MAP7D1: variants seen among roughly 807,000 people sequenced by gnomAD.
MAP7D1 encodes MAP7 domain-containing protein 1.
In MAP7D1, 30 loss-of-function variants were observed where a neutral mutation model predicts 97.5. The ratio of observed to expected loss-of-function variants is 0.31; its 90% CI spans 0.23 to 0.42. The LOEUF is 0.42. Among genes scored for constraint, MAP7D1 ranks in the 10% least tolerant of loss-of-function variants. MAP7D1 has a pLI of 1.00. For missense variants in MAP7D1, 1,184 were observed against 1,179.5 expected (o/e 1.00, Z -0.06); for synonymous variants, 536 against 477.1 (o/e 1.12, Z -1.61).
At chr1:36,156,768 C>T (rs757367546) in intron 1 of MAP7D1, among the ~76,000 whole-genome samples, 1 of 152,110 alleles carries the variant, frequency 6.6e-6, no homozygotes, top group Non-Finnish European at 1.5e-5. Flanking sequence ...TCCCCGCCCC[C>T]ACGTCCCTTC....
chr1:36,178,633 G>A, intron 10 of MAP7D1, 37 bp downstream of exon 10: 1 of 1,544,548 alleles, frequency 6.5e-7, no homozygotes, highest in Non-Finnish European at 8.7e-7. Context: ...GCCCTCGTGG[G>A]CGCTGGAGAA....
chr1:36,162,113 G>A (rs1644420996), intron 1 of MAP7D1, among the ~76,000 whole-genome samples: 1 of 152,076 alleles, frequency 6.6e-6, no homozygotes, highest in African/African-American at 2.4e-5. Context: ...GCTGATCTCT[G>A]TTCTGTCTTC....
At chr1:36,160,840 C>T (rs1644399176) in intron 1 of MAP7D1, among the ~76,000 whole-genome samples, 1 of 152,222 alleles carries the variant, frequency 6.6e-6, no homozygotes, top group Non-Finnish European at 1.5e-5. Context: ...GGGAAGCCTG[C>T]CAGGTTGGAG....
chr1:36,172,257 G>A, intron 3 of MAP7D1: 1 of 434,100 alleles, frequency 2.3e-6, no homozygotes, highest in Non-Finnish European at 4.1e-6. Context: ...AAGGCCAATG[G>A]AGGAGAAATA....
chr1:36,180,288 G>C lies in MAP7D1; in HGVS notation c.*30G>C, dbSNP rs771143073. The C allele has an allele frequency of 6.2e-7, 1 of 1,614,124 alleles. No homozygotes were observed. The highest frequency in any genetic ancestry group is 8.5e-7 in the Non-Finnish European group (1 of 1,179,932). ...GTTTGCCTTGGATCCGGGCACAGTT[G>C]TGAGGGCTCCTCTGCATCACCTACC... On this transcript the variant is annotated 3_prime_UTR_variant, in exon 17 of 17. Coordinates refer to ENST00000474796, the MANE Select transcript of MAP7D1 (RefSeq NM_001388490.1).
At chr1:36,172,339 TA>T in intron 3 of MAP7D1, 124 bp from the exon 4 acceptor site, 1 of 954,262 alleles carries the variant, frequency 1.0e-6, no homozygotes, top group Non-Finnish European at 1.4e-6. Context: ...AAGCTCCACC[TA>T]AGCAGGCGGG....
In MAP7D1 at chr1:36,178,908, G is replaced by A. The variant is rs1379143934; in HGVS notation, c.2026-13G>A. The A allele has an allele frequency of 6.4e-7, 1 of 1,552,438 alleles. No homozygotes were observed. Among genetic ancestry groups the A allele is most frequent in the East Asian group, 2.4e-5 (1 of 41,022 alleles). The stretch of plus-strand genomic sequence containing the variant: ...GGAGTCAAGTGCCCCACGCTCATGG[G>A]GGTCTTTGGCAGAAAGAGGAGGCCG... On this transcript the variant is annotated splice_polypyrimidine_tract_variant and intron_variant, in intron 11 of 16. Coordinates refer to ENST00000474796, the MANE Select transcript of MAP7D1 (RefSeq NM_001388490.1).
At chr1:36,173,980 T>C (rs538027464) in intron 5 of MAP7D1, among the ~76,000 whole-genome samples, 54 of 152,328 alleles carry the variant, frequency 3.5e-4, no homozygotes, top group African/African-American at 1.2e-3. Flanking sequence ...TATGTGCTCC[T>C]GGACCCGTGC....
intron 1 of MAP7D1, among the ~76,000 whole-genome samples, chr1:36,167,834 G>A (rs1181449757): frequency 6.6e-6 from 1 of 152,198 alleles, no homozygotes; most frequent in Non-Finnish European, 1.5e-5. Flanking sequence ...GTCTTGCCTG[G>A]TGGGTGTGAT....
intron 1 of MAP7D1, among the ~76,000 whole-genome samples, chr1:36,166,611 G>A (rs1188616812): frequency 6.6e-6 from 1 of 151,990 alleles, no homozygotes; most frequent in Non-Finnish European, 1.5e-5. Flanking sequence ...GGATGGTCTC[G>A]ATCTCCTGAC....
rs1224360692 is a variant in MAP7D1, at chr1:36,159,754, G to A, written c.46+3291G>A. On this transcript the variant is annotated intron_variant, in intron 1 of 16. Transcript: ENST00000474796. The surrounding 1 kb of genome is among the most constrained non-coding windows in gnomAD (Gnocchi z 5.4). ...TGTTAGTGTGCAGTGGGCTGTGCTT[G>A]TGGAAGGCTTCACGGAGGAGGCAGC... 6.6e-6 allele frequency among the ~76,000 whole-genome samples: 1 copy of A among 152,198 alleles called. No homozygotes were observed. The highest frequency in any genetic ancestry group is 1.5e-5 in the Non-Finnish European group (1 of 68,030).
chr1:36,179,566 C>T lies in MAP7D1; in HGVS notation c.2227+9C>T, dbSNP rs896071201. 4 of 1,563,640 alleles carry T rather than the reference C, an allele frequency of 2.6e-6. No homozygotes were observed. The South Asian group carries it at 4.7e-5, about 18-fold the overall frequency. Reference sequence around the variant, plus strand: ...CAACGGTTCCAGCCCAGGTAAAGCCCCCATTCCTCTCGCCTCCCTTCCCTT... The same window carrying T: ...CAACGGTTCCAGCCCAGGTAAAGCCTCCATTCCTCTCGCCTCCCTTCCCTT... On this transcript the variant is annotated intron_variant, in intron 14 of 16. Transcript: ENST00000474796.
Position 36,178,045 on chromosome 1 carries a change from C to A in MAP7D1, c.1552C>A (p.Pro518Thr). The change falls in exon 9 of 17, where the codon CCC (proline) becomes ACC (threonine). Residue 518 changes from proline to threonine, a missense_variant. By Grantham distance (38) the Pro-to-Thr change is conservative (BLOSUM62 -1). Transcript: ENST00000474796. ...VRRKEEAKES[P>T]SAAGPEDKSQ... ...GAGGAAGGAGGAGGCAAAGGAGAGC[C>A]CCAGCGCCGCAGGGCCCGAGGACAA... The A allele has an allele frequency of 1.2e-6, 2 of 1,613,134 alleles. No individual in the cohort carries two copies. The highest frequency in any genetic ancestry group is 8.5e-7 in the Non-Finnish European group (1 of 1,179,646).
At position 36,168,123 on chromosome 1, in the gene MAP7D1, C is replaced by T. The variant is rs559260240; in HGVS notation, c.47-2848C>T. On this transcript the variant is annotated intron_variant, in intron 1 of 16. Coordinates refer to ENST00000474796, the MANE Select transcript of MAP7D1 (RefSeq NM_001388490.1). ...CAGCCTGGCCAACATGGTGAAACCC[C>T]GTCTCTACTAAAAATACAAAAATTA... 3.0e-3 allele frequency among the ~76,000 whole-genome samples: 458 copies of T among 152,118 alleles called. 2 individuals carry two copies. The highest frequency in any genetic ancestry group is 0.01 in the African/African-American group (432 of 41,478).
At chr1:36,170,476 G>A (rs1263862526) in intron 1 of MAP7D1, among the ~76,000 whole-genome samples, 1 of 90,104 alleles carries the variant, frequency 1.1e-5, no homozygotes, top group Non-Finnish European at 2.1e-5. Context: ...AGAAAGGAGA[G>A]GGAGGCAGAC....
chr1:36,165,469 T>C (rs1187555050), intron 1 of MAP7D1, among the ~76,000 whole-genome samples: 2 of 150,988 alleles, frequency 1.3e-5, no homozygotes, highest in Non-Finnish European at 3.0e-5. Context: ...TTTTTCTTTT[T>C]TTTTTTTTTT....
intron 5 of MAP7D1, among the ~76,000 whole-genome samples, chr1:36,174,360 C>T (rs919509797): frequency 2.6e-5 from 4 of 152,204 alleles, no homozygotes. Flanking sequence ...GTCTCTGTCC[C>T]TGTGCATGTC....
At chr1:36,163,729 C>G (rs1430812002) in intron 1 of MAP7D1, among the ~76,000 whole-genome samples, 1 of 151,878 alleles carries the variant, frequency 6.6e-6, no homozygotes, top group African/African-American at 2.4e-5. Context: ...AGGAAGCTGC[C>G]CAAACACTAT....
intron 1 of MAP7D1, among the ~76,000 whole-genome samples, chr1:36,162,644 T>G (rs940750498): frequency 1.3e-5 from 2 of 152,184 alleles, no homozygotes; most frequent in African/African-American, 4.8e-5. Context: ...GGGAAAGTGC[T>G]TGGTTTATGT....
Sources: gnomAD v4.1 joint callset for allele counts (sites outside exome capture counted in the v4.1 genomes callset) on GRCh38, gnomAD v4.1.1 for gene constraint, Gnocchi (gnomAD v3.1) non-coding constraint, MANE v1.5 for transcripts, NCBI Gene and HGNC (gene_info 2026-07-23, HGNC 2026-07-21) for gene names.